EBF3: variants seen among roughly 807,000 people sequenced by gnomAD.
The protein encoded by EBF3 is transcription factor COE3.
Under a neutral mutation model 77.1 loss-of-function variants are expected in EBF3, and 18 were observed. The ratio of observed to expected loss-of-function variants is 0.23; its 90% CI spans 0.16 to 0.35. The LOEUF (loss-of-function observed/expected upper bound fraction) is 0.35, where lower values mean the gene tolerates loss of function less well. EBF3 is among the 10% of genes least tolerant of loss of function. The pLI, the probability that EBF3 is intolerant of heterozygous loss-of-function variation, is 1.00. For synonymous variants in EBF3, 350 were observed against 343.5 expected, an observed-to-expected ratio of 1.02 and a Z score of -0.21; for missense variants, 558 against 860.0, an observed-to-expected ratio of 0.65 and a Z score of 4.39.
At chr10:129,929,845 G>A (rs1856890667) in intron 6 of EBF3, among the ~76,000 whole-genome samples, 1 of 152,328 alleles carries the variant, frequency 6.6e-6, no homozygotes, top group South Asian at 2.1e-4. Flanking sequence ...GTGTCAACAT[G>A]ACTAGATTAA....
intron 7 of EBF3, 151 bp downstream of exon 7, chr10:129,877,617 T>C: frequency 1.6e-6 from 1 of 639,042 alleles, no homozygotes; most frequent in Admixed American, 2.9e-5. Flanking sequence ...AAGCATTTTA[T>C]TTGCATATTT....
intron 10 of EBF3, among the ~76,000 whole-genome samples, chr10:129,858,252 T>C (rs1376409807): frequency 2.0e-5 from 3 of 152,128 alleles, no homozygotes; most frequent in Non-Finnish European, 4.4e-5. Context: ...CCTTACAGGG[T>C]ATTAAGACTC....
At chr10:129,957,850 TTTAA>T (rs1323050154) in intron 5 of EBF3, among the ~76,000 whole-genome samples, 6 of 152,250 alleles carry the variant, frequency 3.9e-5, no homozygotes, top group African/African-American at 7.2e-5. Context: ...TTATTGAAAC[TTTAA>T]TTAAAGCAGA....
intron 6 of EBF3, among the ~76,000 whole-genome samples, chr10:129,949,913 T>G (rs1858528142): frequency 6.6e-6 from 1 of 151,332 alleles, no homozygotes; most frequent in African/African-American, 2.4e-5. Context: ...ACTGCCAAAG[T>G]TTTGTCTCCT....
chr10:129,917,182 A>G (rs563671100), intron 6 of EBF3, among the ~76,000 whole-genome samples: 4 of 152,192 alleles, frequency 2.6e-5, no homozygotes, highest in Non-Finnish European at 5.9e-5. Context: ...CAGCTTGGCC[A>G]ACATGGCGAA....
chr10:129,957,234 G>C, intron 6 of EBF3, 24 bp downstream of exon 6: 4 of 1,576,980 alleles, frequency 2.5e-6, no homozygotes, highest in Non-Finnish European at 3.4e-6. Context: ...GTTTTGTTTT[G>C]AAAAATAAAG....
intron 6 of EBF3, among the ~76,000 whole-genome samples, chr10:129,888,273 C>T (rs531392502): frequency 1.3e-5 from 2 of 152,282 alleles, no homozygotes; most frequent in African/African-American, 2.4e-5. Flanking sequence ...CTGAAGGGCC[C>T]GAGGCGGTGG....
chr10:129,957,384 T>TTG (rs1347623510), intron 5 of EBF3, 58 bp from the exon 6 acceptor site: 71 of 1,400,598 alleles, frequency 5.1e-5, no homozygotes, highest in Admixed American at 1.2e-4. Flanking sequence ...TATGCCCGAC[T>TTG]TGTATTTTTT....
intron 10 of EBF3, among the ~76,000 whole-genome samples, chr10:129,852,678 G>A (rs1330635753): frequency 6.6e-6 from 1 of 152,074 alleles, no homozygotes; most frequent in African/African-American, 2.4e-5. Flanking sequence ...TTAAGCAAGG[G>A]GACACGTTCA....
rs566059020 is a variant in EBF3 at position 129,938,083 on chromosome 10, G to A, written c.554+19175C>T. On this transcript the variant is annotated intron_variant, in intron 6 of 16. Coordinates refer to ENST00000440978, the MANE Select transcript of EBF3 (RefSeq NM_001375380.1). The surrounding 1 kb of genome is among the most constrained non-coding windows in gnomAD (Gnocchi z 5.1). ...ATCATACTCCACAACCACGCAAACT[G>A]TAAAGAGACCACCATGTCCTTCAGC... Among the ~76,000 whole-genome samples the A allele has an allele frequency of 6.6e-6, 1 of 152,144 alleles. No homozygotes were observed. The highest frequency in any genetic ancestry group is 6.5e-5 in the Admixed American group (1 of 15,274).
At chr10:129,874,364 C>T (rs1048417470) in intron 7 of EBF3, among the ~76,000 whole-genome samples, 10 of 152,120 alleles carry the variant, frequency 6.6e-5, no homozygotes, top group African/African-American at 2.4e-4. Context: ...CCCTCAGCTG[C>T]CTCGTGGTAG....
chr10:129,848,605 C>A lies in EBF3; in HGVS notation c.1040-125G>T. ...CTGATGCTCTCTAAGGCAAGCACCC[C>A]TGAATACTAGCTGTGTCTTAAGGAA... On this transcript the variant is annotated intron_variant, in intron 10 of 16. Transcript: ENST00000440978. This position sits in a 1 kb window ranked among gnomAD's most constrained non-coding sequence, Gnocchi z 4.4. 1 of 947,116 alleles carries A rather than the reference C, an allele frequency of 1.1e-6. No individual in the cohort carries two copies. The highest frequency in any genetic ancestry group is 2.4e-5 in the East Asian group (1 of 40,866). 58.7% of individuals were successfully genotyped at this position (947,116 alleles called of 1,614,324 possible).
intron 6 of EBF3, among the ~76,000 whole-genome samples, chr10:129,909,223 T>C (rs1478757710): frequency 2.0e-5 from 3 of 152,194 alleles, no homozygotes; most frequent in Non-Finnish European, 4.4e-5. Context: ...AGGCCAGACA[T>C]GGAGGGATAG....
At chr10:129,906,585 C>T (rs1226461283) in intron 6 of EBF3, among the ~76,000 whole-genome samples, 1 of 152,136 alleles carries the variant, frequency 6.6e-6, no homozygotes, top group Non-Finnish European at 1.5e-5. Flanking sequence ...GACGCTTCTG[C>T]TTAGTTCTGA....
intron 9 of EBF3, among the ~76,000 whole-genome samples, 169 bp downstream of exon 9, chr10:129,867,613 G>T (rs182677053): frequency 6.6e-6 from 1 of 152,188 alleles, no homozygotes; most frequent in Non-Finnish European, 1.5e-5. Context: ...AGGGCAGGGG[G>T]GTGTTCCGTA....
Position 129,952,427 on chromosome 10 carries a change from G to T in EBF3, c.554+4831C>A, listed in dbSNP as rs1481205985. On this transcript the variant is annotated intron_variant, in intron 6 of 16. Transcript: ENST00000440978. This position sits in a 1 kb window ranked among gnomAD's most constrained non-coding sequence, Gnocchi z 4.7. ...TTATTTTTAAAATCCTCCTTGACAGGCCGGGGCTTAGCCAAAATGTAAATG... is the reference window on the plus strand; with the variant it reads ...TTATTTTTAAAATCCTCCTTGACAGTCCGGGGCTTAGCCAAAATGTAAATG... Among the ~76,000 whole-genome samples, 1 of 152,200 alleles carries T rather than the reference G, an allele frequency of 6.6e-6. No homozygotes were observed. Among genetic ancestry groups the T allele is most frequent in the Non-Finnish European group, 1.5e-5 (1 of 68,032 alleles).
chr10:129,957,098 C>T (rs1267668763), intron 6 of EBF3, among the ~76,000 whole-genome samples, 160 bp downstream of exon 6: 2 of 152,160 alleles, frequency 1.3e-5, no homozygotes, highest in African/African-American at 4.8e-5. Flanking sequence ...TCCAAGTCAA[C>T]CCACCTGTGC....
At chr10:129,948,729 G>A (rs146894507) in intron 6 of EBF3, among the ~76,000 whole-genome samples, 17 of 152,270 alleles carry the variant, frequency 1.1e-4, no homozygotes, top group African/African-American at 2.2e-4. Context: ...TTTTTAAAGC[G>A]TTATGAGAAC....
Position 129,853,734 on chromosome 10 carries a change from C to T in EBF3, c.1040-5254G>A, listed in dbSNP as rs534784416. ...TTAAATAAAGTAAAATTAAATTGCT[C>T]AATACAAAGACATTCCTCTAGAGGG... is the stretch of plus-strand genomic sequence containing the variant. On this transcript the variant is annotated intron_variant, in intron 10 of 16. Transcript: ENST00000440978. Among the ~76,000 whole-genome samples, 7 of 152,292 alleles carry T rather than the reference C, an allele frequency of 4.6e-5. No individual in the cohort carries two copies. In the East Asian group the frequency reaches 1.3e-3, roughly 29 times the overall value.
Sources: allele counts gnomAD v4.1 joint callset (sites outside exome capture counted in the v4.1 genomes callset), GRCh38; gene constraint gnomAD v4.1.1; non-coding constraint Gnocchi (gnomAD v3.1); transcripts MANE v1.5; gene names NCBI Gene and HGNC (gene_info 2026-07-23, HGNC 2026-07-21).